Variants in ALG8 observed in about 807,000 individuals in gnomAD.
ALG8 encodes the protein ALG8 alpha-1,3-glucosyltransferase, also known as dolichyl pyrophosphate Glc1Man9GlcNAc2 alpha-1,3-glucosyltransferase.
A neutral mutation model predicts 70.2 loss-of-function variants in ALG8; 48 were observed. The ratio of observed to expected loss-of-function variants is 0.68; its 90% CI spans 0.54 to 0.87. The LOEUF (loss-of-function observed/expected upper bound fraction) is 0.87. Ranked by LOEUF, ALG8 falls within the 40% of genes least tolerant of loss-of-function variation. ALG8 has a pLI of 0.00. For synonymous variants in ALG8, 234 were observed against 229.0 expected, an observed-to-expected ratio of 1.02 and a Z score of -0.20; for missense variants, 572 against 608.7, an observed-to-expected ratio of 0.94 and a Z score of 0.64.
intron 1 of ALG8, among the ~76,000 whole-genome samples, chr11:78,136,539 G>C (rs760478734): frequency 2.0e-5 from 3 of 149,358 alleles, no homozygotes; most frequent in Non-Finnish European, 4.5e-5. Context: ...CCTGCCTCTA[G>C]AAAAAAAAAA....
At chr11:78,115,939 C>T (rs72946531) in intron 5 of ALG8, among the ~76,000 whole-genome samples, 56,979 of 151,924 alleles carry the variant, frequency 0.38, 11,729 homozygotes, top group Non-Finnish European at 0.46. Context: ...GCTATGCTAC[C>T]AAAAAAATCA....
At chr11:78,135,347 CCT>C (rs1861495004) in intron 1 of ALG8, 1 of 138,422 alleles carries the variant, frequency 7.2e-6, no homozygotes. Context: ...AGAGTGAGAC[CCT>C]GTTTCAAAAA....
At chr11:78,130,866 T>C (rs754201304) in intron 1 of ALG8, among the ~76,000 whole-genome samples, 9 of 152,140 alleles carry the variant, frequency 5.9e-5, no homozygotes, top group Non-Finnish European at 7.3e-5. Context: ...ATTGAACTTA[T>C]AATTTTTATC....
At chr11:78,128,571 C>A (rs1159148615) in intron 1 of ALG8, among the ~76,000 whole-genome samples, 3 of 151,600 alleles carry the variant, frequency 2.0e-5, no homozygotes, top group African/African-American at 7.3e-5. Flanking sequence ...TGCAAACTTT[C>A]TGGTTCCACT....
intron 1 of ALG8, among the ~76,000 whole-genome samples, chr11:78,128,026 G>A (rs1020435631): frequency 3.3e-5 from 5 of 152,236 alleles, no homozygotes; most frequent in Admixed American, 1.3e-4. Flanking sequence ...TCTTACAGGC[G>A]GCCCTCAGGC....
intron 8 of ALG8, among the ~76,000 whole-genome samples, chr11:78,112,190 C>T (rs1860317752): frequency 6.6e-6 from 1 of 152,084 alleles, no homozygotes; most frequent in Admixed American, 6.6e-5. Context: ...GACAAGAGGA[C>T]TGTTTGAGCC....
At chr11:78,137,073 G>A (rs1861588062) in intron 1 of ALG8, among the ~76,000 whole-genome samples, 1 of 152,066 alleles carries the variant, frequency 6.6e-6, no homozygotes, top group South Asian at 2.1e-4. Flanking sequence ...AGCTAATTTT[G>A]TATTTTTAGT....
intron 9 of ALG8, among the ~76,000 whole-genome samples, chr11:78,108,660 CT>C (rs1307859475): frequency 6.6e-6 from 1 of 152,104 alleles, no homozygotes; most frequent in African/African-American, 2.4e-5. Flanking sequence ...CTATATGTAC[CT>C]CATAAGGCTG....
rs149404171 is a variant in ALG8 at position 78,134,652 on chromosome 11, A to G, written c.95+4842T>C. Among the ~76,000 whole-genome samples the G allele has an allele frequency of 1.4e-4, 22 of 152,326 alleles. No individual in the cohort carries two copies. The East Asian group carries it at 4.2e-3, about 29-fold the overall frequency. Reference sequence around the variant, plus strand: ...ATTCTAAATCCTTTGTTGTCATTTCAACAATATTCACAGCATCTTCATTAG... The same window carrying G: ...ATTCTAAATCCTTTGTTGTCATTTCGACAATATTCACAGCATCTTCATTAG... On this transcript the variant is annotated intron_variant, in intron 1 of 12. Transcript: ENST00000299626.
rs1212549678 is a variant in ALG8, at chr11:78,105,616, C to T, written c.1179-1163G>A. Among the ~76,000 whole-genome samples, 5 of 133,326 alleles carry T rather than the reference C, an allele frequency of 3.8e-5. No individual in the cohort carries two copies. In the Admixed American group the frequency reaches 4.0e-4, roughly 11 times the overall value. The allele number at this position is 133,326 out of a possible 152,430, so 87.5% of individuals were successfully genotyped here. On this transcript the variant is annotated intron_variant, in intron 10 of 12. Transcript: ENST00000299626. Reference sequence around the variant, plus strand: ...CCCAGTAGTTTGAGACCAGCCTAGGCAACATGGCAAGACCCTGTCTCTACC... The same window carrying T: ...CCCAGTAGTTTGAGACCAGCCTAGGTAACATGGCAAGACCCTGTCTCTACC...
intron 1 of ALG8, among the ~76,000 whole-genome samples, chr11:78,132,348 C>T (rs1861341416): frequency 6.6e-6 from 1 of 152,202 alleles, no homozygotes; most frequent in Non-Finnish European, 1.5e-5. Context: ...AAGTCAGCAT[C>T]TTCTCTCATG....
chr11:78,129,975 T>A (rs528915256), intron 1 of ALG8, among the ~76,000 whole-genome samples: 2 of 152,138 alleles, frequency 1.3e-5, no homozygotes, highest in Non-Finnish European at 2.9e-5. Flanking sequence ...ATTGTATGAT[T>A]ACATTTGTAT....
chr11:78,112,690 C>T lies in ALG8; in HGVS notation c.858G>A (p.Trp286Ter), dbSNP rs1860350141. The T allele has an allele frequency of 6.2e-7, 1 of 1,613,862 alleles. No homozygotes were observed. Among genetic ancestry groups the T allele is most frequent in the South Asian group, 1.1e-5 (1 of 91,080 alleles). ...LCHAYWAPNF[W>*]ALYNALDKVL... ...CTTTGTCCAAAGCATTGTACAAAGC[C>T]CAGAAGTTTGGAGCCCAATATGCAT... The change falls in exon 8 of 13, where the codon TGG becomes TGA. Residue 286 changes from tryptophan to a stop codon, truncating the protein, a stop_gained. Coordinates refer to ENST00000299626, the MANE Select transcript of ALG8 (RefSeq NM_024079.5). LOFTEE classifies it high-confidence loss of function.
At chr11:78,121,009 T>C (rs1860797681) in intron 4 of ALG8, 56 bp downstream of exon 4, 1 of 1,407,448 alleles carries the variant, frequency 7.1e-7, no homozygotes, top group African/African-American at 1.4e-5. Flanking sequence ...ACATTAATCT[T>C]GTATTAGTAT....
At chr11:78,119,331 A>G (rs1042906330) in intron 4 of ALG8, 82 bp from the exon 5 acceptor site, 58 of 986,212 alleles carry the variant, frequency 5.9e-5, no homozygotes, top group Middle Eastern at 4.1e-4. Flanking sequence ...AGAAATTCCA[A>G]ATGCTTTAAT....
intron 2 of ALG8, among the ~76,000 whole-genome samples, chr11:78,126,401 G>A (rs979738902): frequency 1.3e-5 from 2 of 150,774 alleles, no homozygotes; most frequent in African/African-American, 4.9e-5. Flanking sequence ...GCATGGTGGC[G>A]GGCGCCTGTA....
intron 1 of ALG8, among the ~76,000 whole-genome samples, chr11:78,138,363 A>T (rs1047890425): frequency 6.6e-6 from 1 of 152,014 alleles, no homozygotes; most frequent in African/African-American, 2.4e-5. Context: ...AAAAAAAAAA[A>T]AATAACAAAC....
At chr11:78,108,587 C>A (rs540671936) in intron 9 of ALG8, among the ~76,000 whole-genome samples, 1 of 152,274 alleles carries the variant, frequency 6.6e-6, no homozygotes, top group South Asian at 2.1e-4. Flanking sequence ...TGCTTTTGAG[C>A]CAATAAATTA....
chr11:78,129,583 G>A (rs1005723398), intron 1 of ALG8, among the ~76,000 whole-genome samples: 1 of 152,174 alleles, frequency 6.6e-6, no homozygotes, highest in African/African-American at 2.4e-5. Flanking sequence ...CTCACAGGGA[G>A]ACCCTTTCAA....
Sources: gnomAD v4.1 joint callset for allele counts (sites outside exome capture counted in the v4.1 genomes callset) on GRCh38, gnomAD v4.1.1 for gene constraint, MANE v1.5 for transcripts, NCBI Gene and HGNC (gene_info 2026-07-23, HGNC 2026-07-21) for gene names.